Variants in STAB2 observed in about 807,000 individuals in gnomAD.
STAB2 encodes the protein stabilin-2.
STAB2 carries 288 observed loss-of-function variants against 338.1 expected under a neutral mutation model. That is an observed-to-expected ratio of 0.85 (90% CI 0.77 to 0.94). The LOEUF (loss-of-function observed/expected upper bound fraction) is 0.94. Ranked by LOEUF, STAB2 falls within the 40% of genes least tolerant of loss-of-function variation. STAB2 has a pLI of 0.00. For missense variants in STAB2, 3,141 were observed against 3,210.1 expected, an observed-to-expected ratio of 0.98 and a Z score of 0.52; for synonymous variants, 1,202 against 1,193.3, an observed-to-expected ratio of 1.01 and a Z score of -0.15.
chr12:103,685,668 A>G (rs1236312135), intron 27 of STAB2, among the ~76,000 whole-genome samples: 1 of 152,180 alleles, frequency 6.6e-6, no homozygotes, highest in Admixed American at 6.5e-5. Flanking sequence ...AATCCAGCTG[A>G]TAGCTCTGAT....
chr12:103,711,616 C>G (rs1879869689), intron 40 of STAB2, 100 bp downstream of exon 40: 1 of 1,374,666 alleles, frequency 7.3e-7, no homozygotes, highest in South Asian at 1.3e-5. Context: ...TTTCCTGACA[C>G]CATTTCTGAG....
At chr12:103,610,472 C>A (rs912118343) in intron 3 of STAB2, among the ~76,000 whole-genome samples, 2 of 152,104 alleles carry the variant, frequency 1.3e-5, no homozygotes, top group African/African-American at 2.4e-5. Context: ...AGTTTATTTG[C>A]GTGGAGGTGT....
At chr12:103,756,993 G>GGA (rs1555254840) in intron 63 of STAB2, among the ~76,000 whole-genome samples, 82 of 15,260 alleles carry the variant, frequency 5.4e-3, no homozygotes, top group African/African-American at 0.027. Context: ...CAGAAGGAGG[G>GGA]AAAATATATA....
intron 12 of STAB2, among the ~76,000 whole-genome samples, chr12:103,654,193 A>G (rs1874000275): frequency 6.6e-6 from 1 of 152,234 alleles, no homozygotes; most frequent in South Asian, 2.1e-4. Context: ...TCCACAAATA[A>G]TTTTATTGTG....
At chr12:103,731,776 G>A in intron 50 of STAB2, 141 bp downstream of exon 50, 1 of 750,064 alleles carries the variant, frequency 1.3e-6, no homozygotes, top group Non-Finnish European at 2.2e-6. Flanking sequence ...GTTTTCTGGA[G>A]AGCAAAGTCA....
intron 12 of STAB2, among the ~76,000 whole-genome samples, chr12:103,654,281 A>C (rs1874007539): frequency 6.6e-6 from 1 of 152,234 alleles, no homozygotes. Flanking sequence ...TGAAGCTTGC[A>C]GTCTGCTGGA....
At chr12:103,636,990 A>G in intron 6 of STAB2, 121 bp from the exon 7 acceptor site, 1 of 1,145,252 alleles carries the variant, frequency 8.7e-7, no homozygotes, top group Non-Finnish European at 1.2e-6. Flanking sequence ...CGTGTTCTGT[A>G]TTTTTTAAAT....
chr12:103,720,895 G>A (rs561897576), intron 44 of STAB2, among the ~76,000 whole-genome samples: 28 of 152,332 alleles, frequency 1.8e-4, no homozygotes, highest in Admixed American at 1.7e-3. Context: ...CTCATTGGTA[G>A]AAGGGACAAC....
At chr12:103,675,816 G>C in intron 23 of STAB2, 112 bp from the exon 24 acceptor site, 1 of 754,302 alleles carries the variant, frequency 1.3e-6, no homozygotes. Flanking sequence ...TCCTCCACAG[G>C]AGCAAAGGAT....
At chr12:103,766,054 A>G in intron 68 of STAB2, 1 of 670,264 alleles carries the variant, frequency 1.5e-6, no homozygotes, top group Non-Finnish European at 2.7e-6. Context: ...CCGAGTTGGG[A>G]TGATTTGTCT....
chr12:103,650,737 T>G lies in STAB2; in HGVS notation c.1257+159T>G, dbSNP rs189976278. ...AAACTTCTTTTAGTGATATATAACA[T>G]CCTTACAGAAAGTATACAAATTGTA... On this transcript the variant is annotated intron_variant, in intron 11 of 68. Transcript: ENST00000388887. Among the ~76,000 whole-genome samples the G allele has an allele frequency of 1.3e-4, 20 of 152,324 alleles. 1 individual carries two copies. The East Asian group carries it at 3.9e-3, about 29-fold the overall frequency.
At chr12:103,748,584 CCACACA>C (rs34364589) in intron 58 of STAB2, among the ~76,000 whole-genome samples, 4 of 141,852 alleles carry the variant, frequency 2.8e-5, no homozygotes, top group South Asian at 4.6e-4. Context: ...TAACTCTACA[CCACACA>C]CACACACACA....
At chr12:103,716,973 G>A (rs1880367224) in intron 43 of STAB2, among the ~76,000 whole-genome samples, 1 of 152,162 alleles carries the variant, frequency 6.6e-6, no homozygotes, top group African/African-American at 2.4e-5. Flanking sequence ...GAAGAGAAAC[G>A]GGAAAACCTG....
At chr12:103,641,323 G>C (rs949313089) in intron 9 of STAB2, among the ~76,000 whole-genome samples, 2 of 152,168 alleles carry the variant, frequency 1.3e-5, no homozygotes, top group African/African-American at 4.8e-5. Flanking sequence ...GAACACTTAG[G>C]TTCAAATCCC....
Position 103,733,099 on chromosome 12 carries a change from G to A in STAB2, c.5377G>A (p.Glu1793Lys). The change falls in exon 51 of 69, where the codon GAA becomes AAA. Residue 1793 changes from glutamate (E) to lysine (K), a missense_variant. Glu to Lys is a moderately conservative substitution (Grantham distance 56). Coordinates refer to ENST00000388887, the MANE Select transcript of STAB2 (RefSeq NM_017564.10). ...TDQALHALPA[E>K]QQDFLFNQDN... ...CCAAGCCCTCCATGCCCTACCTGCT[G>A]AACAACAGGACTTCCTGTTCAACCA... is the stretch of plus-strand genomic sequence containing the variant. The A allele has an allele frequency of 6.8e-6, 11 of 1,614,104 alleles. No homozygotes were observed. The highest frequency in any genetic ancestry group is 8.5e-6 in the Non-Finnish European group (10 of 1,180,032).
Position 103,662,870 on chromosome 12 carries a change from G to A in STAB2, c.1894G>A (p.Ala632Thr). ...GGGACAGATTCTGGCAAATGATGTGGCAATGGAAGAAATTGAGATCACTGC... is the reference window on the plus strand; with the variant it reads ...GGGACAGATTCTGGCAAATGATGTGACAATGGAAGAAATTGAGATCACTGC... ...DNGQILANDV[A>T]MEEIEITAKN... The change falls in exon 18 of 69, where the codon GCA (alanine) becomes ACA (threonine). Residue 632 changes from alanine (A) to threonine (T), a missense_variant. Physicochemically the swap from Ala to Thr is moderately conservative, Grantham distance 58. Coordinates refer to ENST00000388887, the MANE Select transcript of STAB2 (RefSeq NM_017564.10). 1 of 1,614,174 alleles carries A rather than the reference G, an allele frequency of 6.2e-7. No homozygotes were observed. Among genetic ancestry groups the A allele is most frequent in the Non-Finnish European group, 8.5e-7 (1 of 1,180,008 alleles).
At chr12:103,697,071 C>G (rs1041612030) in intron 33 of STAB2, among the ~76,000 whole-genome samples, 5 of 152,060 alleles carry the variant, frequency 3.3e-5, no homozygotes, top group Admixed American at 3.3e-4. Context: ...TCTTCCTCAC[C>G]ACCTCCTAAA....
intron 3 of STAB2, among the ~76,000 whole-genome samples, chr12:103,600,002 C>A (rs1208300872): frequency 2.6e-5 from 4 of 152,208 alleles, no homozygotes; most frequent in Admixed American, 6.5e-5. Flanking sequence ...CAACTCTTAA[C>A]GACCATGTAA....
intron 47 of STAB2, among the ~76,000 whole-genome samples, chr12:103,728,125 TTTGA>T (rs1391692704): frequency 2.6e-5 from 4 of 152,182 alleles, no homozygotes; most frequent in Admixed American, 2.0e-4. Flanking sequence ...TTTGTGGGCT[TTTGA>T]TTATTTACTT....
Sources: gnomAD v4.1 joint callset for allele counts (sites outside exome capture counted in the v4.1 genomes callset) on GRCh38, gnomAD v4.1.1 for gene constraint, MANE v1.5 for transcripts, NCBI Gene and HGNC (gene_info 2026-07-23, HGNC 2026-07-21) for gene names.